Variants in HUNK observed in about 807,000 individuals in gnomAD.
The protein encoded by HUNK is hormonally up-regulated Neu-associated kinase.
Under a neutral mutation model 61.0 loss-of-function variants are expected in HUNK, and 21 were observed. The observed-to-expected ratio is 0.34, with a 90% CI of 0.24 to 0.50. HUNK has a LOEUF of 0.50. Ranked by LOEUF, HUNK falls within the 20% of genes least tolerant of loss-of-function variation. The pLI is 0.98. For synonymous variants in HUNK, 371 were observed against 386.1 expected (o/e 0.96, Z 0.46); for missense variants, 772 against 945.7 (o/e 0.82, Z 2.41).
intron 1 of HUNK, among the ~76,000 whole-genome samples, chr21:31,902,777 C>T (rs1163611267): frequency 3.9e-5 from 6 of 152,172 alleles, no homozygotes; most frequent in African/African-American, 7.2e-5. Flanking sequence ...AATGGATCTC[C>T]CAGCCATTGG....
rs1224119333 is a variant in HUNK at position 31,931,208 on chromosome 21, CTTT to C, written c.554+6451_554+6453del. Among the ~76,000 whole-genome samples, 13 of 151,812 alleles carry C rather than the reference CTTT, an allele frequency of 8.6e-5. No homozygotes were observed. The East Asian group carries it at 2.5e-3, about 30-fold the overall frequency. ...CTTGTGACCATCCCTGTAGGCAAAA[CTTT>C]TTCCATCCAACTTAATCCTGTCTGA... On this transcript the variant is annotated intron_variant, in intron 2 of 10. Transcript: ENST00000270112.
Position 31,924,890 on chromosome 21 carries a change from T to A in HUNK, c.554+130T>A. The A allele has an allele frequency of 1.4e-6, 1 of 719,080 alleles. No individual in the cohort carries two copies. Among genetic ancestry groups the A allele is most frequent in the African/African-American group, 1.8e-5 (1 of 56,006 alleles). The allele number at this position is 719,080 out of a possible 1,614,324, so 44.5% of individuals were successfully genotyped here. The stretch of plus-strand genomic sequence containing the variant: ...GTTTTACAATTTGTCTATATTTTAA[T>A]TTTATTTATTTGTTTATTTTTTTGA... On this transcript the variant is annotated intron_variant, in intron 2 of 10. Coordinates refer to ENST00000270112, the MANE Select transcript of HUNK (RefSeq NM_014586.2). This position sits in a 1 kb window ranked among gnomAD's most constrained non-coding sequence, Gnocchi z 5.1.
At chr21:31,945,666 C>T (rs567282855) in intron 3 of HUNK, among the ~76,000 whole-genome samples, 1 of 152,262 alleles carries the variant, frequency 6.6e-6, no homozygotes, top group East Asian at 1.9e-4. Flanking sequence ...TAACTCAAAT[C>T]CCCTCTGCTT....
chr21:31,924,919 G>C lies in HUNK; in HGVS notation c.554+159G>C, dbSNP rs779917503. ...ATTTATTTGTTTATTTTTTTGAGAC[G>C]GAGTTTTGTTCTTGTTGCCCAGGCT... On this transcript the variant is annotated intron_variant, in intron 2 of 10. Transcript: ENST00000270112. The surrounding 1 kb of genome is among the most constrained non-coding windows in gnomAD (Gnocchi z 5.1). 6.6e-6 allele frequency among the ~76,000 whole-genome samples: 1 copy of C among 152,088 alleles called. No homozygotes were observed. Among genetic ancestry groups the C allele is most frequent in the Non-Finnish European group, 1.5e-5 (1 of 68,014 alleles).
intron 1 of HUNK, among the ~76,000 whole-genome samples, chr21:31,917,695 TACACACACACACACACACAC>T (rs3056146): frequency 0.027 from 2,532 of 94,938 alleles, 101 homozygotes; most frequent in African/African-American, 0.091. Context: ...TTCCCAAACA[TACACACACACACACACACAC>T]ACACACACAC....
chr21:31,987,008 C>T (rs565191918), intron 8 of HUNK, among the ~76,000 whole-genome samples: 2 of 152,276 alleles, frequency 1.3e-5, no homozygotes, highest in East Asian at 3.9e-4. Flanking sequence ...TTGCTCCTCA[C>T]AATATTCCCA....
intron 7 of HUNK, among the ~76,000 whole-genome samples, chr21:31,979,722 A>C (rs554217666): frequency 8.0e-5 from 12 of 149,090 alleles, no homozygotes; most frequent in Non-Finnish European, 1.6e-4. Context: ...TCACCGTGTT[A>C]GCCAGGATGG....
Position 31,873,898 on chromosome 21 carries a change from A to G in HUNK, c.224A>G (p.Lys75Arg), listed in dbSNP as rs2052236238. 6.3e-7 allele frequency: 1 copy of G among 1,578,880 alleles called. No individual in the cohort carries two copies. Among genetic ancestry groups the G allele is most frequent in the Non-Finnish European group, 8.6e-7 (1 of 1,165,160 alleles). Residue 75 changes from lysine to arginine, a missense_variant, in exon 1 of 11, where the codon AAG becomes AGG. Coordinates refer to ENST00000270112, the MANE Select transcript of HUNK (RefSeq NM_014586.2). This position sits in a 1 kb window ranked among gnomAD's most constrained non-coding sequence, Gnocchi z 6.1. ...AAGCTGGGCGAGGGCTCCTTTGCCA[A>G]GGTGCGCGAGGGGCTGCACGTGCTG... ...SRKLGEGSFA[K>R]VREGLHVLTG...
chr21:31,935,578 T>G (rs2123824717), intron 2 of HUNK, among the ~76,000 whole-genome samples: 1 of 152,214 alleles, frequency 6.6e-6, no homozygotes, highest in South Asian at 2.1e-4. Flanking sequence ...CTTTTTTCCC[T>G]CTCACACCCC....
At chr21:31,918,657 C>T (rs1288887940) in intron 1 of HUNK, among the ~76,000 whole-genome samples, 7 of 152,170 alleles carry the variant, frequency 4.6e-5, no homozygotes, top group East Asian at 3.9e-4. Flanking sequence ...CTCTTGTCTC[C>T]GTCTTCACTT....
At chr21:31,903,627 T>C (rs2052484588) in intron 1 of HUNK, among the ~76,000 whole-genome samples, 1 of 152,226 alleles carries the variant, frequency 6.6e-6, no homozygotes, top group South Asian at 2.1e-4. Flanking sequence ...GAAATGTTTG[T>C]GTTTCAGTCT....
intron 2 of HUNK, among the ~76,000 whole-genome samples, chr21:31,931,816 C>T (rs1327173794): frequency 2.0e-5 from 3 of 152,150 alleles, no homozygotes; most frequent in Non-Finnish European, 4.4e-5. Flanking sequence ...TCAGCCTAGA[C>T]CTCCTGGGCT....
intron 1 of HUNK, among the ~76,000 whole-genome samples, chr21:31,886,446 C>T (rs556204343): frequency 2.0e-5 from 3 of 150,332 alleles, no homozygotes; most frequent in South Asian, 4.2e-4. Context: ...AAAGACCCCT[C>T]ATATTCAAAT....
chr21:31,959,763 G>C (rs963067816), intron 5 of HUNK, among the ~76,000 whole-genome samples: 1 of 152,150 alleles, frequency 6.6e-6, no homozygotes, highest in Non-Finnish European at 1.5e-5. Flanking sequence ...TTAAAATATA[G>C]CATTTTATTT....
At chr21:31,960,120 T>C (rs572339101) in intron 5 of HUNK, among the ~76,000 whole-genome samples, 2 of 152,348 alleles carry the variant, frequency 1.3e-5, no homozygotes, top group South Asian at 4.1e-4. Flanking sequence ...CACTCTGAGG[T>C]GTGCCCATTC....
chr21:31,882,272 T>G (rs1276067142), intron 1 of HUNK, among the ~76,000 whole-genome samples: 2 of 152,216 alleles, frequency 1.3e-5, no homozygotes, highest in Non-Finnish European at 2.9e-5. Context: ...TGGGTTCTTT[T>G]TGGTTTTTAA....
At chr21:31,985,414 C>T (rs2053125997) in intron 8 of HUNK, among the ~76,000 whole-genome samples, 1 of 152,192 alleles carries the variant, frequency 6.6e-6, no homozygotes, top group African/African-American at 2.4e-5. Flanking sequence ...TCCTAGGCAG[C>T]CAGTGAAGCA....
intron 1 of HUNK, among the ~76,000 whole-genome samples, chr21:31,896,983 A>G (rs751894617): frequency 1.9e-4 from 29 of 152,136 alleles, no homozygotes; most frequent in Non-Finnish European, 3.1e-4. Context: ...GGTGGCTCAC[A>G]CCTGTAATCC....
intron 8 of HUNK, among the ~76,000 whole-genome samples, chr21:31,987,360 C>T (rs1054644428): frequency 7.2e-5 from 11 of 152,222 alleles, no homozygotes; most frequent in Non-Finnish European, 5.9e-5. Context: ...GCATGTCACT[C>T]ATGAGGACCT....
Sources: allele counts gnomAD v4.1 joint callset (sites outside exome capture counted in the v4.1 genomes callset), GRCh38; gene constraint gnomAD v4.1.1; non-coding constraint Gnocchi (gnomAD v3.1); transcripts MANE v1.5; gene names NCBI Gene and HGNC (gene_info 2026-07-23, HGNC 2026-07-21).